The following ZNF710 variants were observed in gnomAD, a reference collection of about 807,000 sequenced individuals.
ZNF710 encodes zinc finger protein 710.
A neutral mutation model predicts 50.6 loss-of-function variants in ZNF710; 13 were observed. The observed-to-expected ratio is 0.26, with a 90% CI of 0.17 to 0.41. The LOEUF (loss-of-function observed/expected upper bound fraction) is 0.41, where lower values mean the gene tolerates loss of function less well. Among genes scored for constraint, ZNF710 ranks in the 10% least tolerant of loss-of-function variants. The pLI is 1.00. For missense variants in ZNF710, 721 were observed against 936.6 expected (o/e 0.77, Z 3.01); for synonymous variants, 383 against 397.0 (o/e 0.96, Z 0.42).
At chr15:90,064,534 C>T (rs1224244509) in intron 1 of ZNF710, among the ~76,000 whole-genome samples, 1 of 152,192 alleles carries the variant, frequency 6.6e-6, no homozygotes, top group Non-Finnish European at 1.5e-5. Context: ...GACACCCAGG[C>T]TGGAATGCAA....
intron 1 of ZNF710, among the ~76,000 whole-genome samples, chr15:90,064,621 G>A (rs979338756): frequency 6.6e-6 from 1 of 152,176 alleles, no homozygotes; most frequent in Non-Finnish European, 1.5e-5. Context: ...CCAAGCAGCT[G>A]GGATTACAGG....
rs1162725985 is a variant in ZNF710, at chr15:90,067,147, T to G, written c.10T>G (p.Phe4Val). The G allele has an allele frequency of 2.5e-6, 4 of 1,598,400 alleles. No individual in the cohort carries two copies. The highest frequency in any genetic ancestry group is 3.4e-6 in the Non-Finnish European group (4 of 1,170,234). The change falls in exon 2 of 5, where the codon TTC becomes GTC. Residue 4 changes from phenylalanine to valine, a missense_variant. Around this residue, in one of 3 missense-constraint regions of ZNF710, gnomAD observed 326 missense variants for 347.1 expected, o/e 0.94. Transcript: ENST00000268154. This position sits in a 1 kb window ranked among gnomAD's most constrained non-coding sequence, Gnocchi z 8.1. MEG[F>V]MDSGTQTDAV... ...AGCTAGCCGTCACGGGATGGAGGGC[T>G]TCATGGACTCAGGGACACAGACGGA...
At chr15:90,003,293 G>A (rs368533700) in intron 1 of ZNF710, among the ~76,000 whole-genome samples, 2 of 152,156 alleles carry the variant, frequency 1.3e-5, no homozygotes, top group African/African-American at 2.4e-5. Flanking sequence ...TTCTTGCTGT[G>A]CAAAATGGAA....
intron 1 of ZNF710, among the ~76,000 whole-genome samples, chr15:90,046,751 G>A (rs1175521728): frequency 6.6e-6 from 1 of 152,192 alleles, no homozygotes; most frequent in East Asian, 1.9e-4. Context: ...CTCCAAAGGG[G>A]TTGGGGAAAA....
chr15:90,055,810 G>T (rs1899795385), intron 1 of ZNF710, among the ~76,000 whole-genome samples: 1 of 152,208 alleles, frequency 6.6e-6, no homozygotes, highest in South Asian at 2.1e-4. Context: ...ATGGATAGAA[G>T]GAAACACAAG....
intron 1 of ZNF710, among the ~76,000 whole-genome samples, chr15:90,005,802 T>C (rs1010750072): frequency 6.6e-6 from 1 of 152,224 alleles, no homozygotes; most frequent in Non-Finnish European, 1.5e-5. Flanking sequence ...ATAATAATCA[T>C]GTGTCTTAGG....
chr15:90,048,896 G>A (rs1385281920), intron 1 of ZNF710, among the ~76,000 whole-genome samples: 1 of 152,190 alleles, frequency 6.6e-6, no homozygotes, highest in Non-Finnish European at 1.5e-5. Flanking sequence ...CAACCCAGGG[G>A]CTCCCGTGTG....
At chr15:90,028,683 G>T (rs186916981) in intron 1 of ZNF710, among the ~76,000 whole-genome samples, 91 of 152,330 alleles carry the variant, frequency 6.0e-4, no homozygotes, top group Non-Finnish European at 1.2e-3. Context: ...GTGCGTGAAT[G>T]CATGGAGGTG....
At position 90,013,934 on chromosome 15, in the gene ZNF710, C is replaced by T. The variant is rs76390837; in HGVS notation, c.-29+12320C>T. The stretch of plus-strand genomic sequence containing the variant: ...TTCGGACCCCACACTGGATTCTGAG[C>T]TTTTTGAAAGCCCAGAGCTGTATCA... On this transcript the variant is annotated intron_variant, in intron 1 of 4. Transcript: ENST00000268154. 1.6e-3 allele frequency among the ~76,000 whole-genome samples: 245 copies of T among 152,240 alleles called. 2 individuals are homozygous for T. Among genetic ancestry groups the T allele is most frequent in the African/African-American group, 5.4e-3 (226 of 41,552 alleles).
intron 1 of ZNF710, among the ~76,000 whole-genome samples, 174 bp downstream of exon 1, chr15:90,001,788 T>C (rs1466366417): frequency 1.4e-5 from 2 of 143,656 alleles, no homozygotes; most frequent in Non-Finnish European, 3.1e-5. Flanking sequence ...GCTGCAAACA[T>C]GTCGTCTTTT....
intron 1 of ZNF710, among the ~76,000 whole-genome samples, chr15:90,021,547 C>G (rs1380838272): frequency 6.6e-6 from 1 of 152,174 alleles, no homozygotes; most frequent in African/African-American, 2.4e-5. Context: ...GCCCTTTGTT[C>G]TCTCTTACTT....
chr15:90,038,858 T>C (rs1272259334), intron 1 of ZNF710, among the ~76,000 whole-genome samples: 1 of 152,196 alleles, frequency 6.6e-6, no homozygotes, highest in East Asian at 1.9e-4. Flanking sequence ...AATTGCTTCA[T>C]TGTGTCCAGG....
Position 90,062,854 on chromosome 15 carries a change from A to G in ZNF710, c.-28-4256A>G, listed in dbSNP as rs2151521037. On this transcript the variant is annotated intron_variant, in intron 1 of 4. Coordinates refer to ENST00000268154, the MANE Select transcript of ZNF710 (RefSeq NM_198526.4). The surrounding 1 kb of genome is among the most constrained non-coding windows in gnomAD (Gnocchi z 5.6). ...CACACACGCGCGCACGCGCACACAC[A>G]CACAGCCTGCCTGGCCGCCCCAGTG... 6.6e-6 allele frequency among the ~76,000 whole-genome samples: 1 copy of G among 152,266 alleles called. No individual in the cohort carries two copies. The highest frequency in any genetic ancestry group is 1.9e-4 in the East Asian group (1 of 5,184).
intron 1 of ZNF710, among the ~76,000 whole-genome samples, chr15:90,050,882 G>A (rs1217739612): frequency 6.6e-6 from 1 of 152,102 alleles, no homozygotes; most frequent in Non-Finnish European, 1.5e-5. Flanking sequence ...CTGAGACTGG[G>A]GATCTTTGTG....
chr15:90,047,661 C>T (rs111419055), intron 1 of ZNF710, among the ~76,000 whole-genome samples: 4 of 150,828 alleles, frequency 2.7e-5, no homozygotes, highest in Admixed American at 6.6e-5. Context: ...CTCAGCTCAC[C>T]GCAACCTCCA....
At chr15:90,078,135 C>G (rs1245107405) in intron 4 of ZNF710, among the ~76,000 whole-genome samples, 7 of 149,034 alleles carry the variant, frequency 4.7e-5, no homozygotes, top group Non-Finnish European at 8.9e-5. Context: ...CGCTTGACCC[C>G]AGGAGGTGGA....
chr15:90,031,143 A>AAT (rs1898937167), intron 1 of ZNF710, among the ~76,000 whole-genome samples: 1 of 152,106 alleles, frequency 6.6e-6, no homozygotes, highest in South Asian at 2.1e-4. Flanking sequence ...GCTTAGGCTC[A>AAT]TCTCAAGAGG....
At chr15:90,048,934 G>A (rs1033147396) in intron 1 of ZNF710, among the ~76,000 whole-genome samples, 4 of 152,268 alleles carry the variant, frequency 2.6e-5, no homozygotes, top group Non-Finnish European at 4.4e-5. Context: ...AGAACCTTCC[G>A]TGGGACCGGG....
Position 90,034,974 on chromosome 15 carries a change from G to C in ZNF710, c.-28-32136G>C, listed in dbSNP as rs1596279213. On this transcript the variant is annotated intron_variant, in intron 1 of 4. Coordinates refer to ENST00000268154, the MANE Select transcript of ZNF710 (RefSeq NM_198526.4). This position sits in a 1 kb window ranked among gnomAD's most constrained non-coding sequence, Gnocchi z 4.0. The stretch of plus-strand genomic sequence containing the variant: ...CCAGGGCTTCCCTGCTGGTAGAAGG[G>C]GTGTCTGGAGGGCCTCTGCCTTCCG... 6.6e-6 allele frequency among the ~76,000 whole-genome samples: 1 copy of C among 152,140 alleles called. No homozygotes were observed. The highest frequency in any genetic ancestry group is 1.5e-5 in the Non-Finnish European group (1 of 68,038).
Sources: gnomAD v4.1 joint callset for allele counts (sites outside exome capture counted in the v4.1 genomes callset) on GRCh38, gnomAD v4.1.1 for gene constraint, gnomAD v4.1.1 regional missense constraint, Gnocchi (gnomAD v3.1) non-coding constraint, MANE v1.5 for transcripts, NCBI Gene and HGNC (gene_info 2026-07-23, HGNC 2026-07-21) for gene names.